The following NPAS3 variants were observed in gnomAD, a reference collection of about 807,000 sequenced individuals.
The protein encoded by NPAS3 is neuronal PAS domain-containing protein 3.
NPAS3 carries 14 observed loss-of-function variants against 73.1 expected under a neutral mutation model. The ratio of observed to expected loss-of-function variants is 0.19; its 90% CI spans 0.13 to 0.30. The LOEUF (loss-of-function observed/expected upper bound fraction) is 0.30. Among genes scored for constraint, NPAS3 ranks in the 10% least tolerant of loss-of-function variants. The pLI, the probability that NPAS3 is intolerant of heterozygous loss-of-function variation, is 1.00. For synonymous variants in NPAS3, 620 were observed against 541.5 expected (o/e 1.14, Z -2.01); for missense variants, 1,096 against 1,250.0 (o/e 0.88, Z 1.86).
chr14:33,655,652 C>T (rs988391390), intron 5 of NPAS3, among the ~76,000 whole-genome samples: 4 of 152,104 alleles, frequency 2.6e-5, no homozygotes, highest in Non-Finnish European at 1.5e-5. Context: ...ACTCAGGAAG[C>T]CCAAAGAATC....
At chr14:33,692,836 TAAAAAAAAAAAAAA>T (rs34684535) in intron 6 of NPAS3, among the ~76,000 whole-genome samples, 2 of 64,052 alleles carry the variant, frequency 3.1e-5, no homozygotes, top group Admixed American at 4.9e-4. Flanking sequence ...CCCAATGTCT[TAAAAAAAAAAAAAA>T]AAAAAAAAAA....
Position 33,786,837 on chromosome 14 carries a change from G to A in NPAS3, c.1154-7060G>A, listed in dbSNP as rs548486424. On this transcript the variant is annotated intron_variant, in intron 9 of 11. Coordinates refer to ENST00000356141, the Ensembl canonical transcript of NPAS3. ...AACCTAAAACAATCCCTGACTAGGGGAATGCAATTATCAAGACTGATGGAG... is the reference window on the plus strand; with the variant it reads ...AACCTAAAACAATCCCTGACTAGGGAAATGCAATTATCAAGACTGATGGAG... 1.7e-3 allele frequency among the ~76,000 whole-genome samples: 261 copies of A among 152,258 alleles called. 1 individual carries two copies. The highest frequency in any genetic ancestry group is 3.3e-3 in the Non-Finnish European group (226 of 68,028).
At chr14:33,745,358 G>C (rs2061761849) in intron 7 of NPAS3, among the ~76,000 whole-genome samples, 1 of 152,208 alleles carries the variant, frequency 6.6e-6, no homozygotes, top group Non-Finnish European at 1.5e-5. Flanking sequence ...ACTGAAGAGT[G>C]ATAACCAGAG....
chr14:33,642,471 C>A (rs1179965035), intron 5 of NPAS3, among the ~76,000 whole-genome samples: 5 of 152,148 alleles, frequency 3.3e-5, no homozygotes, highest in Non-Finnish European at 7.4e-5. Context: ...AATGTTTAAT[C>A]TTTCTTATGG....
At position 32,998,035 on chromosome 14, in the gene NPAS3, C is replaced by T. The variant is rs141590343; in HGVS notation, c.51-57870C>T. Among the ~76,000 whole-genome samples, 961 of 152,130 alleles carry T rather than the reference C, an allele frequency of 6.3e-3. 4 individuals carry two copies. The highest frequency in any genetic ancestry group is 0.01 in the Middle Eastern group (3 of 294). ...GAAATTCCACTTCTTGGTATATACC[C>T]GAAATATTTGAAAATGGGTACTCAA... On this transcript the variant is annotated intron_variant, in intron 1 of 11. Transcript: ENST00000356141.
intron 5 of NPAS3, among the ~76,000 whole-genome samples, chr14:33,566,321 C>T (rs551092891): frequency 3.9e-5 from 6 of 152,058 alleles, no homozygotes; most frequent in South Asian, 2.1e-4. Flanking sequence ...GTGACCTTAT[C>T]GTTCTCACCA....
At chr14:33,602,604 T>C (rs1172256367) in intron 5 of NPAS3, among the ~76,000 whole-genome samples, 1 of 152,224 alleles carries the variant, frequency 6.6e-6, no homozygotes, top group African/African-American at 2.4e-5. Flanking sequence ...GACCTTGCTC[T>C]GCCTCTTCTA....
intron 2 of NPAS3, among the ~76,000 whole-genome samples, chr14:33,149,699 A>G (rs1046748737): frequency 2.0e-5 from 3 of 152,194 alleles, no homozygotes; most frequent in Non-Finnish European, 4.4e-5. Context: ...GAAAGCCTTT[A>G]GATATTTGGT....
chr14:33,561,663 G>A (rs116682678), intron 5 of NPAS3, among the ~76,000 whole-genome samples: 3,028 of 152,208 alleles, frequency 0.02, 37 homozygotes, highest in African/African-American at 0.027. Flanking sequence ...CCACCATGTC[G>A]CGATGTTGTT....
At chr14:33,148,621 T>A (rs1239626154) in intron 2 of NPAS3, among the ~76,000 whole-genome samples, 1 of 152,150 alleles carries the variant, frequency 6.6e-6, no homozygotes, top group Non-Finnish European at 1.5e-5. Context: ...ACTGAAAAAA[T>A]TTTAAATGTG....
chr14:33,011,854 T>C (rs1034722487), intron 1 of NPAS3, among the ~76,000 whole-genome samples: 2 of 152,214 alleles, frequency 1.3e-5, no homozygotes, highest in African/African-American at 4.8e-5. Flanking sequence ...AGGTGTACTC[T>C]TGGTTTGTGG....
At chr14:32,981,753 G>A (rs2139403095) in intron 1 of NPAS3, among the ~76,000 whole-genome samples, 1 of 152,198 alleles carries the variant, frequency 6.6e-6, no homozygotes, top group South Asian at 2.1e-4. Flanking sequence ...GTGGTGTGGA[G>A]CGGGGGGTGA....
intron 2 of NPAS3, among the ~76,000 whole-genome samples, chr14:33,076,393 G>C (rs1171797030): frequency 1.3e-5 from 2 of 152,170 alleles, no homozygotes; most frequent in African/African-American, 4.8e-5. Context: ...GATAAATAGA[G>C]ATTGCAATCA....
chr14:33,466,145 G>A (rs910553112), intron 4 of NPAS3, among the ~76,000 whole-genome samples: 1 of 152,122 alleles, frequency 6.6e-6, no homozygotes, highest in Non-Finnish European at 1.5e-5. Context: ...CACTGTGTGG[G>A]AGAGAGGATG....
rs557737038 is a variant in NPAS3 at position 33,178,189 on chromosome 14, C to G, written c.141-36993C>G. Among the ~76,000 whole-genome samples, 3 of 151,386 alleles carry G rather than the reference C, an allele frequency of 2.0e-5. No homozygotes were observed. In the East Asian group the frequency reaches 5.9e-4, roughly 30 times the overall value. Reference sequence around the variant, plus strand: ...TCCTGGGTTCAAGTGATGCTTTTGCCTCAGCCTCCCGAGTGGCTGGGACTA... The same window carrying G: ...TCCTGGGTTCAAGTGATGCTTTTGCGTCAGCCTCCCGAGTGGCTGGGACTA... On this transcript the variant is annotated intron_variant, in intron 2 of 11. Coordinates refer to ENST00000356141, the Ensembl canonical transcript of NPAS3.
intron 2 of NPAS3, among the ~76,000 whole-genome samples, chr14:33,206,862 A>T (rs756750319): frequency 2.0e-5 from 3 of 152,152 alleles, no homozygotes; most frequent in Non-Finnish European, 4.4e-5. Context: ...CTGCCGTCAA[A>T]GGGTACCCAC....
intron 5 of NPAS3, among the ~76,000 whole-genome samples, chr14:33,594,132 G>T (rs1334874287): frequency 6.6e-6 from 1 of 152,166 alleles, no homozygotes; most frequent in Non-Finnish European, 1.5e-5. Flanking sequence ...GACCCTTTCA[G>T]ATACTAAAAT....
At chr14:33,562,262 T>C (rs542699071) in intron 5 of NPAS3, among the ~76,000 whole-genome samples, 27 of 152,336 alleles carry the variant, frequency 1.8e-4, no homozygotes, top group African/African-American at 6.0e-4. Flanking sequence ...TTCTGTGAAA[T>C]AAAGCAACTG....
intron 3 of NPAS3, among the ~76,000 whole-genome samples, chr14:33,317,336 T>C (rs1200432411): frequency 6.6e-6 from 1 of 152,086 alleles, no homozygotes; most frequent in Non-Finnish European, 1.5e-5. Context: ...ATCCCAACTC[T>C]ATGAAGTAGG....
Sources: allele counts gnomAD v4.1 joint callset (sites outside exome capture counted in the v4.1 genomes callset), GRCh38; gene constraint gnomAD v4.1.1; transcripts MANE v1.5; gene names NCBI Gene and HGNC (gene_info 2026-07-23, HGNC 2026-07-21).